Variants in SRR observed in about 807,000 individuals in gnomAD.
SRR encodes serine racemase.
Under a neutral mutation model 32.7 loss-of-function variants are expected in SRR, and 19 were observed. The ratio of observed to expected loss-of-function variants is 0.58; its 90% confidence interval spans 0.40 to 0.85. The LOEUF is 0.85. Among genes scored for constraint, SRR ranks in the 40% least tolerant of loss-of-function variants. The pLI, the probability that SRR is intolerant of heterozygous loss-of-function variation, is 0.00. For missense variants in SRR, 373 were observed against 404.7 expected, an observed-to-expected ratio of 0.92 and a Z score of 0.67; for synonymous variants, 142 against 140.9, an observed-to-expected ratio of 1.01 and a Z score of -0.06.
chr17:2,304,133 C>T (rs935701499), intron 1 of SRR, 116 bp downstream of exon 1: 34 of 161,314 alleles, frequency 2.1e-4, no homozygotes, highest in African/African-American at 7.9e-4. Context: ...GACAGAGACA[C>T]CCCTCAGCCT....
At chr17:2,313,338 G>A (rs1454690311) in intron 1 of SRR, among the ~76,000 whole-genome samples, 1 of 151,720 alleles carries the variant, frequency 6.6e-6, no homozygotes, top group Non-Finnish European at 1.5e-5. Context: ...GCTAGGGCAG[G>A]AGAATCGCTT....
In SRR at chr17:2,318,956, C is replaced by T. The variant is rs563189963; in HGVS notation, c.399+27C>T. 19 of 1,489,164 alleles carry T rather than the reference C, an allele frequency of 1.3e-5. No individual in the cohort carries two copies. The South Asian group carries it at 1.9e-4, about 15-fold the overall frequency. The allele number at this position is 1,489,164 out of a possible 1,614,324, so 92.2% of individuals were successfully genotyped here. A position where few individuals can be genotyped will look rare whatever the true frequency, so the allele number is the denominator to read the frequency against. ...TAAGGAGAGCAGTGCTTGGTACCAC[C>T]TTAACAGCTTTCATTTGACCAATGG... On this transcript the variant is annotated intron_variant, in intron 4 of 7. Coordinates refer to ENST00000344595, the MANE Select transcript of SRR (RefSeq NM_021947.3).
chr17:2,310,615 G>C (rs531547638), intron 1 of SRR, among the ~76,000 whole-genome samples: 11 of 151,806 alleles, frequency 7.2e-5, no homozygotes, highest in East Asian at 1.9e-4. Context: ...GTCTCACTCT[G>C]TCGCCCAGGC....
chr17:2,315,277 G>A (rs1367603755), intron 1 of SRR: 1 of 245,466 alleles, frequency 4.1e-6, no homozygotes, highest in Admixed American at 5.5e-5. Flanking sequence ...GGAGACCAGT[G>A]GCAGTGCCAA....
chr17:2,325,231 A>T lies in SRR; in HGVS notation c.*1358A>T. 1.7e-6 allele frequency: 2 copies of T among 1,150,228 alleles called. No individual in the cohort carries two copies. The highest frequency in any genetic ancestry group is 2.5e-6 in the Non-Finnish European group (2 of 803,276). The allele number at this position is 1,150,228 out of a possible 1,614,324, so 71.3% of individuals were successfully genotyped here. A position where few individuals can be genotyped will look rare whatever the true frequency, so the allele number is the denominator to read the frequency against. ...TCCATACCATTTGGCTCCCAAATTTAAATAAACAAGAGAAAACGGTGTTCA... is the reference window on the plus strand; with the variant it reads ...TCCATACCATTTGGCTCCCAAATTTTAATAAACAAGAGAAAACGGTGTTCA... On this transcript the variant is annotated 3_prime_UTR_variant, in exon 8 of 8. Coordinates refer to ENST00000344595, the MANE Select transcript of SRR (RefSeq NM_021947.3).
chr17:2,325,010 C>G lies in SRR; in HGVS notation c.*1137C>G. The G allele has an allele frequency of 1.5e-6, 1 of 658,388 alleles. No individual in the cohort carries two copies. The highest frequency in any genetic ancestry group is 2.5e-6 in the Non-Finnish European group (1 of 401,694). 40.8% of individuals were successfully genotyped at this position (658,388 alleles called of 1,614,324 possible). A position where few individuals can be genotyped will look rare whatever the true frequency, so the allele number is the denominator to read the frequency against. On this transcript the variant is annotated 3_prime_UTR_variant, in exon 8 of 8. Transcript: ENST00000344595. ...AACCTTGTCAATAGGTTCTTGAAAACTTGTACTTCAAGAGAAATGATGTAT... is the reference window on the plus strand; with the variant it reads ...AACCTTGTCAATAGGTTCTTGAAAAGTTGTACTTCAAGAGAAATGATGTAT...
At chr17:2,316,863 C>T (rs1004561160) in intron 2 of SRR, among the ~76,000 whole-genome samples, 10 of 150,456 alleles carry the variant, frequency 6.6e-5, no homozygotes, top group South Asian at 6.3e-4. Flanking sequence ...CAGGCGCCTG[C>T]CACCACGCCC....
chr17:2,303,892 C>G (rs921323820), upstream of SRR: 4 of 351,032 alleles, frequency 1.1e-5, no homozygotes, highest in East Asian at 9.7e-5. Flanking sequence ...CGCCCGCCGC[C>G]GGTTCCAGAG....
intron 1 of SRR, among the ~76,000 whole-genome samples, chr17:2,312,182 C>T (rs2075438037): frequency 7.0e-6 from 1 of 143,590 alleles, no homozygotes; most frequent in African/African-American, 2.6e-5. Context: ...AGCCACTGTA[C>T]ACCAGCCTGG....
At chr17:2,303,803 G>A (rs1032696969), upstream of SRR, 17 of 1,172,396 alleles carry the variant, frequency 1.5e-5, no homozygotes, top group Middle Eastern at 2.5e-4. Context: ...CGGCGCGCGC[G>A]CTCGCCCACC....
intron 1 of SRR, among the ~76,000 whole-genome samples, chr17:2,313,419 ACT>A (rs1010726872): frequency 9.5e-5 from 13 of 136,672 alleles, no homozygotes; most frequent in East Asian, 6.4e-4. Flanking sequence ...GCAGAGCAAG[ACT>A]CTCTCAAAAA....
intron 3 of SRR, among the ~76,000 whole-genome samples, chr17:2,318,446 G>A (rs1295215550): frequency 6.6e-6 from 1 of 151,110 alleles, no homozygotes; most frequent in Admixed American, 6.6e-5. Context: ...CACCACACCT[G>A]GCTGAACATG....
Position 2,324,285 on chromosome 17 carries a change from T to G in SRR, c.*412T>G. ...GGTACATATGGATCATAAGTCCATT[T>G]GGGGAAGACTCGTTTATACAGGTTC... On this transcript the variant is annotated 3_prime_UTR_variant, in exon 8 of 8. Coordinates refer to ENST00000344595, the MANE Select transcript of SRR (RefSeq NM_021947.3). 11 of 1,556,586 alleles carry G rather than the reference T, an allele frequency of 7.1e-6. No individual in the cohort carries two copies. The highest frequency in any genetic ancestry group is 9.5e-6 in the Non-Finnish European group (11 of 1,156,810).
At chr17:2,307,461 TG>T in intron 1 of SRR, 1 of 1,436,900 alleles carries the variant, frequency 7.0e-7, no homozygotes, top group Non-Finnish European at 9.7e-7. Flanking sequence ...GCTGTGGTGG[TG>T]GTGGATATCG....
At chr17:2,311,735 A>G (rs1295681713) in intron 1 of SRR, among the ~76,000 whole-genome samples, 1 of 152,244 alleles carries the variant, frequency 6.6e-6, no homozygotes, top group Non-Finnish European at 1.5e-5. Context: ...AAGAATTGAT[A>G]TGTGAGAAAA....
chr17:2,316,506 C>G (rs963372288), intron 2 of SRR, among the ~76,000 whole-genome samples: 2 of 152,192 alleles, frequency 1.3e-5, no homozygotes, highest in Non-Finnish European at 2.9e-5. Flanking sequence ...TTCACTGTAT[C>G]AACTTGCTAC....
intron 1 of SRR, among the ~76,000 whole-genome samples, chr17:2,309,497 C>T (rs1044093489): frequency 1.3e-5 from 2 of 152,184 alleles, no homozygotes; most frequent in African/African-American, 4.8e-5. Flanking sequence ...TTGAGCCAGT[C>T]ATACTCGTTT....
intron 1 of SRR, among the ~76,000 whole-genome samples, chr17:2,308,720 C>G (rs1459733464): frequency 6.6e-6 from 1 of 152,136 alleles, no homozygotes; most frequent in Non-Finnish European, 1.5e-5. Context: ...ACTTGGGAGG[C>G]TGAGGTAGGA....
intron 1 of SRR, chr17:2,309,949 C>T (rs1444352263): frequency 6.6e-6 from 1 of 152,076 alleles, no homozygotes; most frequent in Admixed American, 6.6e-5. Context: ...GGAACCAACT[C>T]GCCTGTGTGA....
Sources: allele counts gnomAD v4.1 joint callset (sites outside exome capture counted in the v4.1 genomes callset), GRCh38; gene constraint gnomAD v4.1.1; transcripts MANE v1.5; gene names NCBI Gene and HGNC (gene_info 2026-07-23, HGNC 2026-07-21).